The following PLVAP variants were observed in gnomAD, a reference collection of about 807,000 sequenced individuals.
PLVAP encodes the protein plasmalemma vesicle-associated protein.
A neutral mutation model predicts 43.1 loss-of-function variants in PLVAP; 34 were observed. The ratio of observed to expected loss-of-function variants is 0.79; its 90% CI spans 0.60 to 1.05. The LOEUF (loss-of-function observed/expected upper bound fraction) is 1.05, where lower values mean the gene tolerates loss of function less well. Ranked by LOEUF, PLVAP falls within the 50% of genes least tolerant of loss-of-function variation. PLVAP has a pLI of 0.00. For synonymous variants in PLVAP, 241 were observed against 237.3 expected (o/e 1.02, Z -0.14); for missense variants, 574 against 593.4 (o/e 0.97, Z 0.34).
At chr19:17,355,481 G>T (rs2074503264) in intron 5 of PLVAP, among the ~76,000 whole-genome samples, 1 of 150,836 alleles carries the variant, frequency 6.6e-6, no homozygotes, top group African/African-American at 2.4e-5. Context: ...TCCTGCCTCA[G>T]CCTCCCAAGT....
chr19:17,371,993 G>A (rs1872713916), intron 1 of PLVAP, among the ~76,000 whole-genome samples: 1 of 148,970 alleles, frequency 6.7e-6, no homozygotes, highest in Non-Finnish European at 1.5e-5. Flanking sequence ...GTTCTCAAAA[G>A]CCTTAGTCAT....
At chr19:17,373,107 C>T (rs942648858) in intron 1 of PLVAP, among the ~76,000 whole-genome samples, 1 of 104,516 alleles carries the variant, frequency 9.6e-6, no homozygotes, top group Non-Finnish European at 2.0e-5. Flanking sequence ...AGAAAAGACA[C>T]CAGTTAGCCA....
chr19:17,374,360 G>A (rs975292847), intron 1 of PLVAP, among the ~76,000 whole-genome samples: 1 of 151,930 alleles, frequency 6.6e-6, no homozygotes, highest in Non-Finnish European at 1.5e-5. Flanking sequence ...AGCTACTCAG[G>A]AGGTTGAGGC....
At chr19:17,357,525 A>C (rs1298023804) in intron 5 of PLVAP, among the ~76,000 whole-genome samples, 2 of 151,780 alleles carry the variant, frequency 1.3e-5, no homozygotes, top group Non-Finnish European at 2.9e-5. Context: ...TTAGCTAGGC[A>C]TGGTGGAGTG....
rs370761587 is a variant in PLVAP at position 17,369,459 on chromosome 19, A to G, written c.370-3264T>C. On this transcript the variant is annotated intron_variant, in intron 1 of 5. Transcript: ENST00000252590. Reference sequence around the variant, plus strand: ...CCACCAGCCTGGCCAACATGGCGAAACCCCATCTTTGCTAAAAATACAAAA... The same window carrying G: ...CCACCAGCCTGGCCAACATGGCGAAGCCCCATCTTTGCTAAAAATACAAAA... 6.7e-4 allele frequency among the ~76,000 whole-genome samples: 98 copies of G among 146,656 alleles called. 2 individuals are homozygous for G. In the South Asian group the frequency reaches 0.021, roughly 31 times the overall value.
chr19:17,368,092 A>T (rs2074557516), intron 1 of PLVAP, among the ~76,000 whole-genome samples: 1 of 75,488 alleles, frequency 1.3e-5, no homozygotes, highest in African/African-American at 5.5e-5. Flanking sequence ...TTTTTTTGAG[A>T]CGGAGTTTCG....
At chr19:17,357,883 G>A (rs1043000086) in intron 5 of PLVAP, among the ~76,000 whole-genome samples, 9 of 152,252 alleles carry the variant, frequency 5.9e-5, no homozygotes, top group East Asian at 1.9e-4. Context: ...GCAGGTGGAC[G>A]TCATTTCGGG....
chr19:17,357,290 T>A (rs1452967697), intron 5 of PLVAP, among the ~76,000 whole-genome samples: 1 of 150,928 alleles, frequency 6.6e-6, no homozygotes, highest in Non-Finnish European at 1.5e-5. Flanking sequence ...TGAGAGTCCA[T>A]CTCAAAAAAA....
chr19:17,360,837 G>A lies in PLVAP; in HGVS notation c.1180-5C>T. 1 of 1,613,108 alleles carries A rather than the reference G, an allele frequency of 6.2e-7. No homozygotes were observed. Among genetic ancestry groups the A allele is most frequent in the Non-Finnish European group, 8.5e-7 (1 of 1,179,098 alleles). On this transcript the variant is annotated splice_polypyrimidine_tract_variant and splice_region_variant and intron_variant, in intron 3 of 5. Transcript: ENST00000252590. ...CACTGGCATCATCGGCTGCGACTGTGAAAGAAAGATGGAGGGAGGTTGGTA... is the reference window on the plus strand; with the variant it reads ...CACTGGCATCATCGGCTGCGACTGTAAAAGAAAGATGGAGGGAGGTTGGTA...
At position 17,365,483 on chromosome 19, in the gene PLVAP, CCTT is replaced by C; in HGVS notation, c.979_981del (p.Lys327del). 1 of 1,612,582 alleles carries C rather than the reference CCTT, an allele frequency of 6.2e-7. No individual in the cohort carries two copies. Among genetic ancestry groups the C allele is most frequent in the Non-Finnish European group, 8.5e-7 (1 of 1,180,020 alleles). On this transcript the variant is annotated inframe_deletion, in exon 3 of 6. Transcript: ENST00000252590. ...AGCTTGGCCTCCCGGGCCTGAGCCT[CCTT>C]CTCCACCTTCTGTTTCGCCTCCTGA...
At chr19:17,360,325 C>A (rs2074523012) in intron 5 of PLVAP, among the ~76,000 whole-genome samples, 1 of 152,198 alleles carries the variant, frequency 6.6e-6, no homozygotes, top group Non-Finnish European at 1.5e-5. Context: ...ACCCACTACT[C>A]AGGGAGTTTC....
intron 1 of PLVAP, among the ~76,000 whole-genome samples, chr19:17,376,227 C>T (rs2074594804): frequency 6.6e-6 from 1 of 152,066 alleles, no homozygotes; most frequent in African/African-American, 2.4e-5. Context: ...CAGTGCCCCA[C>T]ACCTGTAATC....
rs1300956432 is a variant in PLVAP at position 17,377,285 on chromosome 19, C to A, written c.4G>T (p.Gly2Cys). 2 of 1,608,360 alleles carry A rather than the reference C, an allele frequency of 1.2e-6. No individual in the cohort carries two copies. Among genetic ancestry groups the A allele is most frequent in the Admixed American group, 1.7e-5 (1 of 59,680 alleles). M[G>C]LAMEHGGSYA... ...GACCCTCCGTGCTCCATGGCCAGAC[C>A]CATTTGCTCGATCCCGCCGTCCGGT... is the stretch of plus-strand genomic sequence containing the variant. The change falls in exon 1 of 6, where the codon GGT becomes TGT. Residue 2 changes from glycine to cysteine, a missense_variant. Transcript: ENST00000252590.
At position 17,365,809 on chromosome 19, in the gene PLVAP, T is replaced by C. The variant is rs779793464; in HGVS notation, c.656A>G (p.Gln219Arg). 7 of 1,614,190 alleles carry C rather than the reference T, an allele frequency of 4.3e-6. No homozygotes were observed. In the Admixed American group the frequency reaches 1.2e-4, roughly 27 times the overall value. Residue 219 changes from glutamine (Q) to arginine (R), a missense_variant, in exon 3 of 6, where the codon CAA becomes CGA. Transcript: ENST00000252590. ...GGGCAGGCAGAGGGCTTGCACCTTT[T>C]GCAGTTGCTCCTTGGCCAGCTGGCG... is the stretch of plus-strand genomic sequence containing the variant. ...QERQLAKEQL[Q>R]KVQALCLPLD...
Position 17,377,242 on chromosome 19 carries a change from C to A in PLVAP, c.47G>T (p.Gly16Val), listed in dbSNP as rs2074600021. 1.9e-6 allele frequency: 3 copies of A among 1,613,954 alleles called. No homozygotes were observed. The highest frequency in any genetic ancestry group is 2.5e-6 in the Non-Finnish European group (3 of 1,179,916). The stretch of plus-strand genomic sequence containing the variant: ...GTAATACCAGCAGCCCCGAGAGCTG[C>A]CCCCCGCCCGAGCGTAGGACCCTCC... Reference protein sequence around the residue: ...EHGGSYARAGGSSRGCWYYLR... With the variant: ...EHGGSYARAGVSSRGCWYYLR... Residue 16 changes from glycine to valine, a missense_variant, in exon 1 of 6, where the codon GGC becomes GTC. Gly to Val is a moderately radical substitution (Grantham distance 109, BLOSUM62 -3). Coordinates refer to ENST00000252590, the MANE Select transcript of PLVAP (RefSeq NM_031310.3).
chr19:17,352,482 GC>G (rs2074490380), intron 5 of PLVAP, 114 bp from the exon 6 acceptor site: 1 of 1,200,054 alleles, frequency 8.3e-7, no homozygotes, highest in Admixed American at 1.9e-5. Context: ...GGGGACCCCG[GC>G]CCTGCCTCCT....
intron 4 of PLVAP, 76 bp from the exon 5 acceptor site, chr19:17,360,685 C>T (rs545495815): frequency 2.8e-5 from 45 of 1,581,878 alleles, no homozygotes; most frequent in Non-Finnish European, 3.8e-5. Flanking sequence ...GGGCTGGCAG[C>T]CCAGGGGAGT....
At chr19:17,370,838 C>T (rs2074569328) in intron 1 of PLVAP, among the ~76,000 whole-genome samples, 2 of 151,998 alleles carry the variant, frequency 1.3e-5, no homozygotes, top group Admixed American at 6.6e-5. Flanking sequence ...GGGCGGATCA[C>T]GAGGTCAGGA....
At chr19:17,360,651 TG>T in intron 4 of PLVAP, 42 bp from the exon 5 acceptor site, 1 of 1,589,040 alleles carries the variant, frequency 6.3e-7, no homozygotes, top group East Asian at 2.2e-5. Context: ...CAGCTTCAGT[TG>T]CCCCTGCCCC....
Sources: gnomAD v4.1 joint callset for allele counts (sites outside exome capture counted in the v4.1 genomes callset) on GRCh38, gnomAD v4.1.1 for gene constraint, MANE v1.5 for transcripts, NCBI Gene and HGNC (gene_info 2026-07-23, HGNC 2026-07-21) for gene names.